Variants in GALNTL6 observed in about 807,000 individuals in gnomAD.
GALNTL6 encodes polypeptide N-acetylgalactosaminyltransferase like 6.
GALNTL6 carries 46 observed loss-of-function variants against 73.7 expected under a neutral mutation model. The observed-to-expected ratio is 0.62, with a 90% confidence interval of 0.49 to 0.80. The LOEUF is 0.80. GALNTL6 is among the 30% of genes least tolerant of loss of function. GALNTL6 has a pLI of 0.00. For synonymous variants in GALNTL6, 259 were observed against 263.7 expected (o/e 0.98, Z 0.17); for missense variants, 604 against 755.0 (o/e 0.80, Z 2.34).
At position 172,133,095 on chromosome 4, in the gene GALNTL6, T is replaced by C. The variant is rs187340350; in HGVS notation, c.139-96561T>C. ...GTGACTAATGAACCAAGCAAACAAA[T>C]AGCAGAAAGAACATCAATGTGCTTA... On this transcript the variant is annotated intron_variant, in intron 2 of 12. Coordinates refer to ENST00000506823, the MANE Select transcript of GALNTL6 (RefSeq NM_001034845.3). Among the ~76,000 whole-genome samples the C allele has an allele frequency of 1.4e-3, 219 of 152,318 alleles. 1 individual carries two copies. The highest frequency in any genetic ancestry group is 1.6e-3 in the Non-Finnish European group (108 of 68,024).
chr4:172,882,695 C>T, intron 7 of GALNTL6, 95 bp from the exon 8 acceptor site: 1 of 857,826 alleles, frequency 1.2e-6, no homozygotes, highest in South Asian at 1.4e-5. Flanking sequence ...CAGCTGACCA[C>T]TAAAACATAT....
At chr4:172,931,346 C>G (rs1748328373) in intron 9 of GALNTL6, 78 bp downstream of exon 9, 3 of 840,240 alleles carry the variant, frequency 3.6e-6, no homozygotes, top group Non-Finnish European at 6.3e-6. Flanking sequence ...GCCCATGGCA[C>G]AGTCTGAGAA....
chr4:172,017,885 C>A (rs538989891), intron 2 of GALNTL6, among the ~76,000 whole-genome samples: 1 of 151,660 alleles, frequency 6.6e-6, no homozygotes, highest in South Asian at 2.1e-4. Context: ...GCCATGGATA[C>A]AGGCACCTGC....
intron 5 of GALNTL6, among the ~76,000 whole-genome samples, chr4:172,385,420 T>A (rs898328860): frequency 2.0e-5 from 3 of 152,080 alleles, no homozygotes; most frequent in Non-Finnish European, 2.9e-5. Flanking sequence ...GTCTTTCAGT[T>A]TTCTTAGTTT....
intron 5 of GALNTL6, among the ~76,000 whole-genome samples, chr4:172,585,526 A>G (rs144767497): frequency 6.6e-6 from 1 of 152,014 alleles, no homozygotes; most frequent in African/African-American, 2.4e-5. Flanking sequence ...CTGTTCCTGT[A>G]TTAGTTTGCT....
intron 2 of GALNTL6, among the ~76,000 whole-genome samples, chr4:172,129,230 C>T (rs188684313): frequency 1.3e-5 from 2 of 152,042 alleles, no homozygotes; most frequent in Non-Finnish European, 2.9e-5. Flanking sequence ...CAAATAAAAA[C>T]GTCAACAGAT....
chr4:172,732,459 G>C (rs1194929411), intron 5 of GALNTL6, among the ~76,000 whole-genome samples: 1 of 152,042 alleles, frequency 6.6e-6, no homozygotes, highest in East Asian at 1.9e-4. Flanking sequence ...GAATATAATT[G>C]AGTCATTTCT....
intron 5 of GALNTL6, among the ~76,000 whole-genome samples, chr4:172,720,948 T>C (rs1023522311): frequency 6.6e-6 from 1 of 152,226 alleles, no homozygotes; most frequent in Non-Finnish European, 1.5e-5. Flanking sequence ...TTCCTCTTAA[T>C]AGAATTAGAA....
chr4:172,928,225 G>T lies in GALNTL6; in HGVS notation c.1042-2936G>T, dbSNP rs531753202. ...TATTTTCTGGCCCTTTACAGAAAGAGTTTGCATAATCTATAGATACAATAT... is the reference window on the plus strand; with the variant it reads ...TATTTTCTGGCCCTTTACAGAAAGATTTTGCATAATCTATAGATACAATAT... On this transcript the variant is annotated intron_variant, in intron 8 of 12. Coordinates refer to ENST00000506823, the MANE Select transcript of GALNTL6 (RefSeq NM_001034845.3). Among the ~76,000 whole-genome samples the T allele has an allele frequency of 4.9e-4, 74 of 152,174 alleles. 1 individual carries two copies. Among genetic ancestry groups the T allele is most frequent in the Non-Finnish European group, 9.6e-4 (65 of 68,022 alleles).
intron 5 of GALNTL6, among the ~76,000 whole-genome samples, chr4:172,560,339 A>G (rs13137395): frequency 0.07 from 348 of 4,970 alleles, no homozygotes; most frequent in Middle Eastern, 0.1. Context: ...AAAAAAAAAG[A>G]AAAAAAAAAT....
rs904298312 is a variant in GALNTL6, at chr4:171,844,058, G to A, written c.138+29340G>A. 5.9e-5 allele frequency among the ~76,000 whole-genome samples: 9 copies of A among 152,158 alleles called. No individual in the cohort carries two copies. The South Asian group carries it at 1.0e-3, about 17-fold the overall frequency. ...GCTCTTCTACTAGCATGCATATTAT[G>A]ATTGTGTTGTGAAATGAGACAATGC... is the stretch of plus-strand genomic sequence containing the variant. On this transcript the variant is annotated intron_variant, in intron 2 of 12. Transcript: ENST00000506823.
chr4:172,452,288 C>CAT (rs1208639115), intron 5 of GALNTL6, among the ~76,000 whole-genome samples: 1 of 151,740 alleles, frequency 6.6e-6, no homozygotes, highest in Non-Finnish European at 1.5e-5. Context: ...GACACACACA[C>CAT]ATACACGTAT....
intron 8 of GALNTL6, among the ~76,000 whole-genome samples, chr4:172,910,244 A>G (rs1747128511): frequency 6.6e-6 from 1 of 152,228 alleles, no homozygotes; most frequent in South Asian, 2.1e-4. Flanking sequence ...ATTGAAAATA[A>G]TATAATATTA....
At chr4:172,111,460 A>C (rs1732849031) in intron 2 of GALNTL6, among the ~76,000 whole-genome samples, 1 of 152,034 alleles carries the variant, frequency 6.6e-6, no homozygotes, top group Non-Finnish European at 1.5e-5. Flanking sequence ...AAAAATCAGT[A>C]CAGAAAAGAT....
chr4:172,171,571 A>G (rs1271415329), intron 2 of GALNTL6, among the ~76,000 whole-genome samples: 1 of 151,838 alleles, frequency 6.6e-6, no homozygotes, highest in Non-Finnish European at 1.5e-5. Context: ...GCTTATGCCT[A>G]TAATCCCAGC....
intron 5 of GALNTL6, among the ~76,000 whole-genome samples, chr4:172,768,372 G>C (rs13138074): frequency 0.32 from 47,928 of 152,068 alleles, 8,192 homozygotes; most frequent in Middle Eastern, 0.47. Context: ...GGGTATGGGA[G>C]GTCCCCAAAC....
At chr4:172,642,039 C>T (rs945313063) in intron 5 of GALNTL6, among the ~76,000 whole-genome samples, 2 of 152,058 alleles carry the variant, frequency 1.3e-5, no homozygotes, top group African/African-American at 2.4e-5. Context: ...TATCATCCTA[C>T]ATCTATTAGA....
At chr4:172,204,868 A>G (rs1579251250) in intron 2 of GALNTL6, among the ~76,000 whole-genome samples, 1 of 152,200 alleles carries the variant, frequency 6.6e-6, no homozygotes, top group South Asian at 2.1e-4. Context: ...TAAAGAAGAC[A>G]TGAACTAAAC....
At chr4:172,030,330 T>C (rs1218052553) in intron 2 of GALNTL6, among the ~76,000 whole-genome samples, 1 of 152,038 alleles carries the variant, frequency 6.6e-6, no homozygotes, top group Non-Finnish European at 1.5e-5. Flanking sequence ...TTCTTATGAA[T>C]CCTGCGGCAT....
Sources: gnomAD v4.1 joint callset for allele counts (sites outside exome capture counted in the v4.1 genomes callset) on GRCh38, gnomAD v4.1.1 for gene constraint, MANE v1.5 for transcripts, NCBI Gene and HGNC (gene_info 2026-07-23, HGNC 2026-07-21) for gene names.